Variants in C10orf67 observed in about 807,000 individuals in gnomAD.
The protein encoded by C10orf67 is chromosome 10 open reading frame 67.
Under a neutral mutation model 35.6 loss-of-function variants are expected in C10orf67, and 60 were observed. That is an observed-to-expected ratio of 1.68 (90% confidence interval 1.37 to 2.09). The LOEUF (loss-of-function observed/expected upper bound fraction) is 2.09. Among genes scored for constraint, C10orf67 ranks in the 30% most tolerant of loss-of-function variants. The pLI is 0.00. For synonymous variants in C10orf67, 167 were observed against 115.8 expected, an observed-to-expected ratio of 1.44 and a Z score of -2.84; for missense variants, 474 against 330.2, an observed-to-expected ratio of 1.44 and a Z score of -3.38.
chr10:23,316,418 C>T (rs951496473), intron 4 of C10orf67, among the ~76,000 whole-genome samples: 5 of 152,232 alleles, frequency 3.3e-5, no homozygotes, highest in South Asian at 2.1e-4. Flanking sequence ...TAGGTCTGGG[C>T]GCCCCCAAGG....
intron 15 of C10orf67, among the ~76,000 whole-genome samples, chr10:23,219,033 C>T (rs555453834): frequency 1.4e-4 from 21 of 152,272 alleles, no homozygotes; most frequent in Non-Finnish European, 2.4e-4. Context: ...CACTTTCAAA[C>T]AATATTTATT....
intron 15 of C10orf67, among the ~76,000 whole-genome samples, chr10:23,216,090 C>T (rs1470792438): frequency 2.0e-5 from 3 of 152,096 alleles, no homozygotes; most frequent in Non-Finnish European, 4.4e-5. Context: ...AAATTCTAGC[C>T]AGTGCATTAA....
At chr10:23,240,031 A>C (rs1463415988) in intron 12 of C10orf67, among the ~76,000 whole-genome samples, 1 of 152,152 alleles carries the variant, frequency 6.6e-6, no homozygotes, top group African/African-American at 2.4e-5. Context: ...CAAACAATAA[A>C]AAAAAAATAA....
chr10:23,228,507 A>G (rs1050103113), intron 13 of C10orf67, among the ~76,000 whole-genome samples: 2 of 152,188 alleles, frequency 1.3e-5, no homozygotes, highest in African/African-American at 4.8e-5. Flanking sequence ...CCTAGGCAAT[A>G]CCATTCAGGA....
At chr10:23,217,186 G>A (rs1841453862) in intron 15 of C10orf67, among the ~76,000 whole-genome samples, 1 of 152,048 alleles carries the variant, frequency 6.6e-6, no homozygotes, top group Admixed American at 6.6e-5. Context: ...TAAAGAAGTT[G>A]AACAAGCCAG....
chr10:23,245,133 T>C (rs544328416), intron 12 of C10orf67, among the ~76,000 whole-genome samples: 2 of 152,284 alleles, frequency 1.3e-5, no homozygotes, highest in Non-Finnish European at 1.5e-5. Context: ...CAATAAATGA[T>C]GTTGAAGAAA....
chr10:23,224,795 G>A (rs548046478), intron 13 of C10orf67, among the ~76,000 whole-genome samples: 2 of 152,288 alleles, frequency 1.3e-5, no homozygotes, highest in East Asian at 1.9e-4. Flanking sequence ...AAGATCAAAT[G>A]AATGAAATGA....
chr10:23,296,175 G>A (rs1442650234), intron 5 of C10orf67, among the ~76,000 whole-genome samples: 1 of 151,588 alleles, frequency 6.6e-6, no homozygotes, highest in African/African-American at 2.4e-5. Context: ...ATATTTCTAT[G>A]TGTACTTTTT....
At chr10:23,277,155 A>C (rs1843215188) in intron 8 of C10orf67, among the ~76,000 whole-genome samples, 1 of 152,208 alleles carries the variant, frequency 6.6e-6, no homozygotes, top group Non-Finnish European at 1.5e-5. Flanking sequence ...ACAAGTGGAC[A>C]CTGGAGTTTT....
Position 23,223,637 on chromosome 10 carries a change from CA to C in C10orf67, c.1530del (p.Asp510GlufsTer2). 1.4e-6 allele frequency: 1 copy of C among 717,578 alleles called. No individual in the cohort carries two copies. Among genetic ancestry groups the C allele is most frequent in the Non-Finnish European group, 2.6e-6 (1 of 385,004 alleles). The allele number at this position is 717,578 out of a possible 1,614,324, so 44.5% of individuals were successfully genotyped here. A position where few individuals can be genotyped will look rare whatever the true frequency, so the allele number is the denominator to read the frequency against. On this transcript the variant is annotated frameshift_variant, in exon 15 of 16. Transcript: ENST00000636213. LOFTEE classifies it low-confidence loss of function (END_TRUNC). ...CTSSIDGKHV[D>X]VVSDQAALQL... ...TGAAGGGCTGCCTGATCACTGACTA[CA>C]TCCACATGCTTACCGTCTATCTGTA...
chr10:23,303,272 T>G, intron 5 of C10orf67, 32 bp downstream of exon 5: 1 of 494,502 alleles, frequency 2.0e-6, no homozygotes, highest in Non-Finnish European at 3.6e-6. Context: ...TTATGTATAT[T>G]AAAATTAATT....
At chr10:23,241,188 G>C (rs190951433) in intron 12 of C10orf67, among the ~76,000 whole-genome samples, 14 of 152,296 alleles carry the variant, frequency 9.2e-5, no homozygotes, top group Admixed American at 9.2e-4. Context: ...TTTCAAACAA[G>C]AATGTCTATA....
rs1391758265 is a variant in C10orf67 at position 23,227,387 on chromosome 10, G to A, written c.1435-3569C>T. 1.4e-4 allele frequency among the ~76,000 whole-genome samples: 21 copies of A among 152,100 alleles called. No individual in the cohort carries two copies. In the East Asian group the frequency reaches 3.5e-3, roughly 25 times the overall value. On this transcript the variant is annotated intron_variant, in intron 13 of 15. Coordinates refer to ENST00000636213, the MANE Select transcript of C10orf67 (RefSeq NM_001371909.1). ...AAAAGGCCTTTGACAAAATTCAACA[G>A]CCCTTCATGCTAAAAACTCTCAATA... is the stretch of plus-strand genomic sequence containing the variant.
At chr10:23,236,015 G>A (rs368979610) in intron 13 of C10orf67, among the ~76,000 whole-genome samples, 17 of 151,940 alleles carry the variant, frequency 1.1e-4, no homozygotes, top group Middle Eastern at 3.4e-3. Context: ...TTGGGAGGCC[G>A]AGGCGGGCGG....
intron 8 of C10orf67, among the ~76,000 whole-genome samples, chr10:23,281,208 A>T (rs184599419): frequency 6.6e-6 from 1 of 152,308 alleles, no homozygotes; most frequent in Non-Finnish European, 1.5e-5. Flanking sequence ...TATGACAAGG[A>T]ACCCAAAACA....
At chr10:23,224,064 T>C (rs1049334448) in intron 13 of C10orf67, among the ~76,000 whole-genome samples, 4 of 152,200 alleles carry the variant, frequency 2.6e-5, no homozygotes, top group Non-Finnish European at 5.9e-5. Flanking sequence ...CTGACTCTAC[T>C]TCCTTTTGAC....
At chr10:23,334,818 G>C (rs1037793133) in intron 1 of C10orf67, among the ~76,000 whole-genome samples, 2 of 152,258 alleles carry the variant, frequency 1.3e-5, no homozygotes, top group African/African-American at 2.4e-5. Context: ...AAGGGTGGAA[G>C]TAATGCCAAG....
chr10:23,338,305 C>G (rs751123426), intron 1 of C10orf67, among the ~76,000 whole-genome samples: 3 of 152,080 alleles, frequency 2.0e-5, no homozygotes, highest in Non-Finnish European at 2.9e-5. Flanking sequence ...GTGGTTTTCC[C>G]CTTACCAAGG....
At chr10:23,337,260 G>T (rs899380626) in intron 1 of C10orf67, among the ~76,000 whole-genome samples, 2 of 152,220 alleles carry the variant, frequency 1.3e-5, no homozygotes, top group Non-Finnish European at 2.9e-5. Flanking sequence ...CAGGCTGGGT[G>T]CAGTGGCTCA....
Sources: allele counts gnomAD v4.1 joint callset (sites outside exome capture counted in the v4.1 genomes callset), GRCh38; gene constraint gnomAD v4.1.1; transcripts MANE v1.5; gene names NCBI Gene and HGNC (gene_info 2026-07-23, HGNC 2026-07-21).